KMO: variants seen among roughly 807,000 people sequenced by gnomAD.
KMO encodes the protein kynurenine 3-hydroxylase.
A neutral mutation model predicts 57.8 loss-of-function variants in KMO; 24 were observed. That is an observed-to-expected ratio of 0.42 (90% CI 0.30 to 0.58). The LOEUF (loss-of-function observed/expected upper bound fraction) is 0.58, where lower values mean the gene tolerates loss of function less well. KMO is among the 20% of genes least tolerant of loss of function. KMO has a pLI of 0.22. For synonymous variants in KMO, 210 were observed against 193.6 expected (o/e 1.08, Z -0.70); for missense variants, 483 against 588.2 (o/e 0.82, Z 1.85).
At chr1:241,576,739 T>G (rs184711940) in intron 10 of KMO, among the ~76,000 whole-genome samples, 4 of 152,288 alleles carry the variant, frequency 2.6e-5, no homozygotes, top group Admixed American at 2.6e-4. Flanking sequence ...GATGTTCTTT[T>G]TGTAATGAAT....
chr1:241,562,909 AGG>A (rs1661921068), intron 7 of KMO, among the ~76,000 whole-genome samples: 3 of 73,506 alleles, frequency 4.1e-5, no homozygotes, highest in Admixed American at 1.3e-4. Flanking sequence ...GAAGGAAGGA[AGG>A]AAGGAAAGAA....
At chr1:241,559,875 T>C (rs2065799) in intron 5 of KMO, among the ~76,000 whole-genome samples, 126,110 of 152,100 alleles carry the variant, frequency 0.83, 53,512 homozygotes, top group Non-Finnish European at 0.93. Flanking sequence ...TAGTTACTCC[T>C]TTTTTAAGAT....
At chr1:241,562,978 C>A (rs559834493) in intron 7 of KMO, among the ~76,000 whole-genome samples, 31 of 152,018 alleles carry the variant, frequency 2.0e-4, no homozygotes, top group African/African-American at 7.2e-4. Context: ...GAAGTTACAA[C>A]CCTCTTACTG....
Position 241,594,911 on chromosome 1 carries a change from T to A in KMO, c.*2758T>A, listed in dbSNP as rs1663453704. ...TTATTAACCGGAATATGTAGGACCA[T>A]TTCAATACCTTGTAATCCTCCAAGC... On this transcript the variant is annotated 3_prime_UTR_variant, in exon 15 of 15. Transcript: ENST00000366559. 2.0e-6 allele frequency: 1 copy of A among 512,264 alleles called. No individual in the cohort carries two copies. The highest frequency in any genetic ancestry group is 3.6e-5 in the Admixed American group (1 of 28,052). 31.7% of individuals were successfully genotyped at this position (512,264 alleles called of 1,614,324 possible).
At position 241,586,854 on chromosome 1, in the gene KMO, G is replaced by A. The variant is rs56046140; in HGVS notation, c.1015+118G>A. On this transcript the variant is annotated intron_variant, in intron 11 of 14. Transcript: ENST00000366559. Reference sequence around the variant, plus strand: ...TGTATAATGTATATTATCTCCCCAGGATTACATATTTTTCTACTAATAGTC... The same window carrying A: ...TGTATAATGTATATTATCTCCCCAGAATTACATATTTTTCTACTAATAGTC... 3,151 of 705,726 alleles carry A rather than the reference G, an allele frequency of 4.5e-3. 11 individuals are homozygous for A. Among genetic ancestry groups the A allele is most frequent in the African/African-American group, 0.013 (726 of 54,952 alleles). The allele number at this position is 705,726 out of a possible 1,614,324, so 43.7% of individuals were successfully genotyped here. A position where few individuals can be genotyped will look rare whatever the true frequency, so the allele number is the denominator to read the frequency against.
At chr1:241,572,613 C>T (rs1476489390) in intron 10 of KMO, among the ~76,000 whole-genome samples, 9 of 151,746 alleles carry the variant, frequency 5.9e-5, no homozygotes, top group Admixed American at 5.9e-4. Flanking sequence ...TTAAAAAATT[C>T]CTATTGAGAT....
chr1:241,539,315 C>G (rs1461936328), intron 1 of KMO, among the ~76,000 whole-genome samples: 1 of 148,852 alleles, frequency 6.7e-6, no homozygotes, highest in Admixed American at 6.9e-5. Context: ...ACCTGGGAGG[C>G]AAAGGTTTCA....
At chr1:241,543,785 C>T (rs1395918779) in intron 1 of KMO, among the ~76,000 whole-genome samples, 1 of 152,124 alleles carries the variant, frequency 6.6e-6, no homozygotes, top group East Asian at 1.9e-4. Context: ...TTAATGTGCC[C>T]ACACTACCCG....
At chr1:241,582,741 C>A (rs1450877406) in intron 10 of KMO, among the ~76,000 whole-genome samples, 1 of 152,164 alleles carries the variant, frequency 6.6e-6, no homozygotes, top group Admixed American at 6.5e-5. Context: ...GGTCATATAT[C>A]TTTGTCACTC....
intron 1 of KMO, among the ~76,000 whole-genome samples, chr1:241,540,046 C>G (rs1391340057): frequency 2.0e-5 from 3 of 152,142 alleles, no homozygotes; most frequent in Non-Finnish European, 4.4e-5. Context: ...TTAGAGTACA[C>G]TTTTCATTTT....
intron 4 of KMO, among the ~76,000 whole-genome samples, chr1:241,552,929 T>A (rs1279237092): frequency 9.2e-5 from 14 of 152,206 alleles, no homozygotes; most frequent in African/African-American, 3.4e-4. Context: ...AGGTCAGAGC[T>A]CCTCAGTTCT....
At chr1:241,582,671 T>C (rs1212550441) in intron 10 of KMO, among the ~76,000 whole-genome samples, 1 of 152,228 alleles carries the variant, frequency 6.6e-6, no homozygotes, top group African/African-American at 2.4e-5. Context: ...TCCTTCTCTG[T>C]ATTATCTTGA....
chr1:241,586,328 A>G (rs929260135), intron 10 of KMO, among the ~76,000 whole-genome samples: 2 of 150,750 alleles, frequency 1.3e-5, no homozygotes, highest in African/African-American at 4.9e-5. Flanking sequence ...CCTCCCGAGT[A>G]GCTGGGACCA....
At chr1:241,586,850 C>T in intron 11 of KMO, 114 bp downstream of exon 11, 1 of 721,282 alleles carries the variant, frequency 1.4e-6, no homozygotes, top group Non-Finnish European at 2.3e-6. Flanking sequence ...TATTATCTCC[C>T]CAGGATTACA....
intron 1 of KMO, 88 bp from the exon 2 acceptor site, chr1:241,548,740 CA>C: frequency 1.3e-6 from 1 of 745,594 alleles, no homozygotes; most frequent in Non-Finnish European, 2.3e-6. Flanking sequence ...GCTAGTAAAA[CA>C]TAGCCTCACA....
intron 5 of KMO, among the ~76,000 whole-genome samples, chr1:241,556,921 G>T (rs900945687): frequency 6.6e-5 from 10 of 151,114 alleles, no homozygotes; most frequent in African/African-American, 2.2e-4. Flanking sequence ...TAATAATAAA[G>T]ATTTGTCTTT....
chr1:241,588,742 T>C lies in KMO; in HGVS notation c.1016-6T>C. The C allele has an allele frequency of 5.6e-6, 9 of 1,605,860 alleles. No individual in the cohort carries two copies. Among genetic ancestry groups the C allele is most frequent in the Non-Finnish European group, 7.7e-6 (9 of 1,172,794 alleles). ...GTTTTGGAAAGATGTATTATTTAAC[T>C]TACAGGTTTGTGTCTTCCTGTGTTC... On this transcript the variant is annotated splice_polypyrimidine_tract_variant and splice_region_variant and intron_variant, in intron 11 of 14. Transcript: ENST00000366559.
rs1663352127 is a variant in KMO, at chr1:241,592,722, G to GTCTATCTATATATCA, written c.*578_*579insATATCATCTATCTAT. ...AAGTATTATCATCTATCTGTTTATC[G>GTCTATCTATATATCA]TCTATCTATCTATCATCTATCTATC... On this transcript the variant is annotated 3_prime_UTR_variant, in exon 15 of 15. Transcript: ENST00000366559. 2 of 146,828 alleles carry GTCTATCTATATATCA rather than the reference G, an allele frequency of 1.4e-5. No individual in the cohort carries two copies. The highest frequency in any genetic ancestry group is 3.0e-5 in the Non-Finnish European group (2 of 66,184). The allele number at this position is 146,828 out of a possible 1,614,324, so 9.1% of individuals were successfully genotyped here.
chr1:241,580,848 A>C (rs546279304), intron 10 of KMO, among the ~76,000 whole-genome samples: 51 of 152,026 alleles, frequency 3.4e-4, no homozygotes, highest in African/African-American at 8.7e-4. Flanking sequence ...ATGTTCTGTA[A>C]ATACATATTA....
Sources: allele counts gnomAD v4.1 joint callset (sites outside exome capture counted in the v4.1 genomes callset), GRCh38; gene constraint gnomAD v4.1.1; transcripts MANE v1.5; gene names NCBI Gene and HGNC (gene_info 2026-07-23, HGNC 2026-07-21).